Variants in HYCC1 observed in about 807,000 individuals in gnomAD.
The protein encoded by HYCC1 is hyccin.
At chr7:22,966,540 T>G in the HYCC1 span, among the ~76,000 whole-genome samples, 22 of 152,346 alleles carry the variant, frequency 1.4e-4, no homozygotes, top group East Asian at 5.8e-4. Context: ...AGTTTTTATT[T>G]TTAATAAATT....
chr7:22,956,013 A>C, the HYCC1 span, among the ~76,000 whole-genome samples: 2 of 151,592 alleles, frequency 1.3e-5, no homozygotes, highest in African/African-American at 2.4e-5. Context: ...TATTTTACTA[A>C]ATTTTATCTC....
the HYCC1 span, among the ~76,000 whole-genome samples, chr7:22,963,897 G>A: frequency 1.3e-5 from 2 of 152,096 alleles, no homozygotes; most frequent in East Asian, 3.8e-4. Context: ...CATATAATAA[G>A]AGAATTATAA....
the HYCC1 span, among the ~76,000 whole-genome samples, chr7:22,899,474 C>T: frequency 6.6e-6 from 1 of 152,124 alleles, no homozygotes; most frequent in South Asian, 2.1e-4. Flanking sequence ...ACTGACCAAC[C>T]TGTCCCTCTG....
chr7:22,981,038 G>A, the HYCC1 span, among the ~76,000 whole-genome samples: 1 of 152,068 alleles, frequency 6.6e-6, no homozygotes, highest in South Asian at 2.1e-4. Flanking sequence ...AATTCGTTTG[G>A]ATCTTGATTC....
the HYCC1 span, among the ~76,000 whole-genome samples, chr7:23,001,925 C>CT: frequency 3.3e-5 from 5 of 151,034 alleles, no homozygotes; most frequent in South Asian, 8.3e-4. Flanking sequence ...GGGCTGAGAC[C>CT]TTTGTTCAGT....
At chr7:22,915,565 G>A in the HYCC1 span, among the ~76,000 whole-genome samples, 1 of 152,212 alleles carries the variant, frequency 6.6e-6, no homozygotes, top group African/African-American at 2.4e-5. Context: ...CTCCTTCCCA[G>A]ATCTCGGCTT....
At chr7:22,960,258 T>C in the HYCC1 span, 4 of 1,613,330 alleles carry the variant, frequency 2.5e-6, no homozygotes, top group South Asian at 1.1e-5. Context: ...TTTCTTACCA[T>C]GTCTTTTCCA....
chr7:22,952,699 C>T, the HYCC1 span, among the ~76,000 whole-genome samples: 304 of 151,984 alleles, frequency 2.0e-3, 1 homozygote, highest in Non-Finnish European at 3.6e-3. Flanking sequence ...TCGCGTAACA[C>T]AAGATACTGA....
the HYCC1 span, among the ~76,000 whole-genome samples, chr7:23,013,254 A>G: frequency 6.6e-6 from 1 of 152,212 alleles, no homozygotes; most frequent in Non-Finnish European, 1.5e-5. Flanking sequence ...ACTCATAGAA[A>G]GAAGGGGCAA....
chr7:22,914,707 C>T, the HYCC1 span, among the ~76,000 whole-genome samples: 204 of 152,246 alleles, frequency 1.3e-3, no homozygotes, highest in African/African-American at 4.6e-3. Context: ...CCTGTTCCTT[C>T]GGTCTCCACC....
chr7:22,903,216 T>C, the HYCC1 span, among the ~76,000 whole-genome samples: 3 of 152,118 alleles, frequency 2.0e-5, no homozygotes, highest in Non-Finnish European at 4.4e-5. Flanking sequence ...ATTTCACTCA[T>C]AGGCATATAT....
chr7:22,942,528 C>T, the HYCC1 span: 2 of 152,138 alleles, frequency 1.3e-5, no homozygotes, highest in South Asian at 2.1e-4. Context: ...CCAGTGCCAC[C>T]AGAATACTCC....
the HYCC1 span, among the ~76,000 whole-genome samples, chr7:22,997,311 C>T: frequency 2.7e-4 from 41 of 152,130 alleles, no homozygotes; most frequent in Non-Finnish European, 5.1e-4. Context: ...TACATCATCC[C>T]CTTCACCATT....
At chr7:22,961,306 C>A in the HYCC1 span, 1 of 1,585,066 alleles carries the variant, frequency 6.3e-7, no homozygotes, top group South Asian at 1.1e-5. Context: ...TGAGCTAGAT[C>A]CCATTCTCCA....
At chr7:22,999,163 A>C in the HYCC1 span, among the ~76,000 whole-genome samples, 2 of 152,238 alleles carry the variant, frequency 1.3e-5, no homozygotes, top group Non-Finnish European at 2.9e-5. Flanking sequence ...AGAATGTTAT[A>C]AGAAATCTTA....
chr7:22,917,111 TA>T, the HYCC1 span, among the ~76,000 whole-genome samples: 1 of 152,170 alleles, frequency 6.6e-6, no homozygotes, highest in African/African-American at 2.4e-5. Context: ...CTAAGGTAGC[TA>T]AAAAAGCAGC....
the HYCC1 span, chr7:22,978,155 G>T: frequency 1.1e-6 from 1 of 923,736 alleles, no homozygotes; most frequent in Non-Finnish European, 1.7e-6. Context: ...TGGGCTATGA[G>T]TCATTTGGTG....
the HYCC1 span, chr7:22,976,636 A>T: frequency 9.6e-7 from 1 of 1,040,898 alleles, no homozygotes; most frequent in Non-Finnish European, 1.5e-6. Flanking sequence ...GTCTACTGAA[A>T]TAATTTTCTT....
At chr7:22,938,818 C>A in the HYCC1 span, 1 of 139,148 alleles carries the variant, frequency 7.2e-6, no homozygotes, top group Admixed American at 7.1e-5. Flanking sequence ...GTTAGAAATA[C>A]AGGTTTCCAT....
Sources: allele counts gnomAD v4.1 joint callset (sites outside exome capture counted in the v4.1 genomes callset), GRCh38; gene constraint gnomAD v4.1.1; transcripts MANE v1.5; gene names NCBI Gene and HGNC (gene_info 2026-07-23, HGNC 2026-07-21).